HS3ST4: variants seen among roughly 807,000 people sequenced by gnomAD.
The protein encoded by HS3ST4 is heparan sulfate glucosamine 3-O-sulfotransferase 4.
Under a neutral mutation model 29.2 loss-of-function variants are expected in HS3ST4, and 17 were observed. The observed-to-expected ratio is 0.58, with a 90% CI of 0.40 to 0.87. The LOEUF is 0.87. Among genes scored for constraint, HS3ST4 ranks in the 40% least tolerant of loss-of-function variants. HS3ST4 has a pLI of 0.00. For synonymous variants in HS3ST4, 314 were observed against 285.7 expected (o/e 1.10, Z -1.00); for missense variants, 627 against 634.5 (o/e 0.99, Z 0.13).
intron 1 of HS3ST4, among the ~76,000 whole-genome samples, chr16:26,108,976 C>G (rs1899092669): frequency 6.6e-6 from 1 of 152,088 alleles, no homozygotes; most frequent in Non-Finnish European, 1.5e-5. Flanking sequence ...TCCTGCCCCA[C>G]CCTGCCCCAC....
intron 1 of HS3ST4, among the ~76,000 whole-genome samples, chr16:26,088,204 T>C (rs903511669): frequency 3.9e-5 from 6 of 152,174 alleles, no homozygotes; most frequent in African/African-American, 1.4e-4. Context: ...GAACACGTGT[T>C]CCTCTTCCTC....
chr16:25,734,699 C>T (rs1167806774), intron 1 of HS3ST4, among the ~76,000 whole-genome samples: 1 of 152,148 alleles, frequency 6.6e-6, no homozygotes, highest in Admixed American at 6.5e-5. Context: ...ATGTAATGAG[C>T]TGGGTGATAT....
intron 1 of HS3ST4, among the ~76,000 whole-genome samples, chr16:26,086,212 CT>C (rs1229099699): frequency 6.6e-6 from 1 of 152,002 alleles, no homozygotes; most frequent in Non-Finnish European, 1.5e-5. Flanking sequence ...CCCTCTTGTT[CT>C]TTTTTATTTT....
intron 1 of HS3ST4, among the ~76,000 whole-genome samples, chr16:25,978,873 C>T (rs527385021): frequency 3.3e-5 from 5 of 151,604 alleles, no homozygotes; most frequent in Admixed American, 1.3e-4. Flanking sequence ...TAACTAGCCA[C>T]GGGGACAGTG....
chr16:25,869,739 A>G (rs1264639060), intron 1 of HS3ST4, among the ~76,000 whole-genome samples: 1 of 152,204 alleles, frequency 6.6e-6, no homozygotes, highest in Admixed American at 6.5e-5. Context: ...TATTAACCAG[A>G]TGGGAAAAGT....
intron 1 of HS3ST4, among the ~76,000 whole-genome samples, chr16:25,913,413 A>C (rs1440575402): frequency 2.0e-5 from 3 of 152,244 alleles, no homozygotes; most frequent in African/African-American, 7.2e-5. Flanking sequence ...AGAAGCCACT[A>C]TCCAGAAAGC....
At chr16:25,868,315 C>T (rs1376538050) in intron 1 of HS3ST4, among the ~76,000 whole-genome samples, 1 of 152,010 alleles carries the variant, frequency 6.6e-6, no homozygotes, top group Non-Finnish European at 1.5e-5. Flanking sequence ...TAAAAAAAAG[C>T]ATTGAAGATT....
intron 1 of HS3ST4, among the ~76,000 whole-genome samples, chr16:25,779,315 T>A (rs1422148628): frequency 2.6e-5 from 4 of 152,210 alleles, no homozygotes; most frequent in Non-Finnish European, 5.9e-5. Flanking sequence ...ACTGTAGCTA[T>A]CATTATATCT....
intron 1 of HS3ST4, among the ~76,000 whole-genome samples, chr16:25,903,883 T>C (rs1968148037): frequency 6.6e-6 from 1 of 152,210 alleles, no homozygotes; most frequent in Non-Finnish European, 1.5e-5. Context: ...GAAAATTCAT[T>C]TGACCACTAT....
chr16:25,741,926 GTTAT>G (rs1291743173), intron 1 of HS3ST4, among the ~76,000 whole-genome samples: 2 of 151,998 alleles, frequency 1.3e-5, no homozygotes, highest in Admixed American at 6.6e-5. Flanking sequence ...GGGCTCCCCT[GTTAT>G]TTACTTTTTA....
chr16:26,065,635 A>G (rs1001152182), intron 1 of HS3ST4, among the ~76,000 whole-genome samples: 1 of 152,208 alleles, frequency 6.6e-6, no homozygotes, highest in African/African-American at 2.4e-5. Flanking sequence ...TAAAAGCGAA[A>G]AAAAAAGATA....
intron 1 of HS3ST4, among the ~76,000 whole-genome samples, chr16:26,101,257 A>G (rs1482312428): frequency 1.3e-5 from 2 of 152,126 alleles, no homozygotes; most frequent in Non-Finnish European, 2.9e-5. Flanking sequence ...CTGGAATGCT[A>G]TTGCCTCTGG....
chr16:26,092,871 G>A (rs190205380), intron 1 of HS3ST4, among the ~76,000 whole-genome samples: 203 of 152,166 alleles, frequency 1.3e-3, no homozygotes, highest in African/African-American at 4.8e-3. Context: ...CTGGAAAAAC[G>A]GGACACTCCC....
chr16:26,054,269 G>GGAGAGAGAGAGAGAGA (rs58364733), intron 1 of HS3ST4, among the ~76,000 whole-genome samples: 60 of 133,730 alleles, frequency 4.5e-4, no homozygotes, highest in African/African-American at 1.3e-3. Flanking sequence ...ACAGAGAGAG[G>GGAGAGAGAGAGAGAGA]GAGAGAGAGA....
At chr16:25,860,644 C>T (rs1459725941) in intron 1 of HS3ST4, among the ~76,000 whole-genome samples, 1 of 152,188 alleles carries the variant, frequency 6.6e-6, no homozygotes, top group Non-Finnish European at 1.5e-5. Context: ...TGTGATCTGA[C>T]TGCATGACAT....
intron 1 of HS3ST4, among the ~76,000 whole-genome samples, chr16:26,000,224 G>T (rs1969201122): frequency 2.0e-5 from 3 of 151,938 alleles, no homozygotes; most frequent in Admixed American, 2.0e-4. Flanking sequence ...GGCATGGCTG[G>T]AATCAGGTGC....
chr16:25,900,114 A>G (rs1968107738), intron 1 of HS3ST4, among the ~76,000 whole-genome samples: 1 of 152,194 alleles, frequency 6.6e-6, no homozygotes, highest in Admixed American at 6.5e-5. Flanking sequence ...TCCTTACTGG[A>G]TTTTGTGTAA....
At chr16:25,922,593 A>C (rs1182441211) in intron 1 of HS3ST4, among the ~76,000 whole-genome samples, 3 of 152,258 alleles carry the variant, frequency 2.0e-5, no homozygotes, top group African/African-American at 7.2e-5. Context: ...TTTATTCAAC[A>C]GATATTTGTT....
chr16:25,758,613 G>C (rs567100534), intron 1 of HS3ST4, among the ~76,000 whole-genome samples: 55 of 152,254 alleles, frequency 3.6e-4, no homozygotes, highest in African/African-American at 1.2e-3. Context: ...TTGGCTCAGA[G>C]CACCACAGCC....
Sources: allele counts gnomAD v4.1 joint callset (sites outside exome capture counted in the v4.1 genomes callset), GRCh38; gene constraint gnomAD v4.1.1; transcripts MANE v1.5; gene names NCBI Gene and HGNC (gene_info 2026-07-23, HGNC 2026-07-21).